STN1: variants seen among roughly 807,000 people sequenced by gnomAD.
STN1 encodes STN1 subunit of CST complex.
A neutral mutation model predicts 45.5 loss-of-function variants in STN1; 29 were observed. The observed-to-expected ratio is 0.64, with a 90% CI of 0.47 to 0.87. STN1 has a LOEUF of 0.87. Ranked by LOEUF, STN1 falls within the 40% of genes least tolerant of loss-of-function variation. The probability of loss-of-function intolerance (pLI) is 0.00; values close to 1 mark genes in which losing one functional copy is unlikely to be tolerated. For synonymous variants in STN1, 148 were observed against 159.0 expected, an observed-to-expected ratio of 0.93 and a Z score of 0.52; for missense variants, 376 against 441.4, an observed-to-expected ratio of 0.85 and a Z score of 1.33.
chr10:103,885,247 G>A (rs779384822), intron 9 of STN1, among the ~76,000 whole-genome samples: 2 of 152,198 alleles, frequency 1.3e-5, no homozygotes, highest in Non-Finnish European at 2.9e-5. Context: ...AGCCTCTCAA[G>A]GAGGAAGAGC....
At chr10:103,913,549 C>G (rs890073627) in intron 2 of STN1, among the ~76,000 whole-genome samples, 3 of 151,868 alleles carry the variant, frequency 2.0e-5, no homozygotes, top group African/African-American at 7.3e-5. Flanking sequence ...AGAAAAGCAA[C>G]TGAGGAGGAA....
At position 103,900,278 on chromosome 10, in the gene STN1, A is replaced by G. The variant is rs1041554504; in HGVS notation, c.296-55T>C. On this transcript the variant is annotated intron_variant, in intron 4 of 9. Transcript: ENST00000224950. The stretch of plus-strand genomic sequence containing the variant: ...GAAAAAGTTATAACACAATCACTCT[A>G]CCACATCTGTGAGACAGTTTTAGGG... 3 of 1,563,898 alleles carry G rather than the reference A, an allele frequency of 1.9e-6. No homozygotes were observed. The African/African-American group carries it at 4.1e-5, about 21-fold the overall frequency.
chr10:103,915,691 C>A (rs141969487), intron 2 of STN1, among the ~76,000 whole-genome samples: 97 of 152,140 alleles, frequency 6.4e-4, no homozygotes, highest in African/African-American at 2.2e-3. Flanking sequence ...CCAAACACAA[C>A]AACAAAACAA....
intron 4 of STN1, among the ~76,000 whole-genome samples, chr10:103,900,503 G>C (rs1843201794): frequency 6.6e-6 from 1 of 152,170 alleles, no homozygotes; most frequent in Non-Finnish European, 1.5e-5. Context: ...TTCCTGCCCT[G>C]CATCACCAGT....
chr10:103,894,350 T>A (rs935339330), intron 7 of STN1, among the ~76,000 whole-genome samples: 2 of 152,100 alleles, frequency 1.3e-5, no homozygotes, highest in African/African-American at 4.8e-5. Flanking sequence ...AAAAGCCTAG[T>A]TCCCCCTCCC....
chr10:103,917,785 A>G, intron 1 of STN1, 129 bp from the exon 2 acceptor site: 1 of 550,356 alleles, frequency 1.8e-6, no homozygotes, highest in South Asian at 2.4e-5. Context: ...GGGCCCTGTC[A>G]AACTCCATGC....
At chr10:103,897,500 G>A in intron 7 of STN1, 48 bp downstream of exon 7, 4 of 1,551,126 alleles carry the variant, frequency 2.6e-6, no homozygotes, top group Non-Finnish European at 2.7e-6. Flanking sequence ...TGCAGTTGCA[G>A]ATCTGGGGCA....
At chr10:103,890,101 G>A (rs535249666) in intron 8 of STN1, among the ~76,000 whole-genome samples, 2 of 151,982 alleles carry the variant, frequency 1.3e-5, no homozygotes, top group African/African-American at 2.4e-5. Context: ...CAAAAAAAGA[G>A]AGAAAGAGAA....
intron 4 of STN1, among the ~76,000 whole-genome samples, chr10:103,902,925 T>C (rs1287412966): frequency 6.6e-6 from 1 of 152,244 alleles, no homozygotes; most frequent in African/African-American, 2.4e-5. Context: ...TGTTCATCCA[T>C]TCATCTACTT....
chr10:103,884,125 A>C (rs1352437714), intron 9 of STN1, among the ~76,000 whole-genome samples: 2 of 145,980 alleles, frequency 1.4e-5, no homozygotes, highest in Non-Finnish European at 3.0e-5. Flanking sequence ...AAATCCACTT[A>C]TCACTGCTGC....
At chr10:103,911,102 G>A (rs1290749083) in intron 2 of STN1, among the ~76,000 whole-genome samples, 1 of 148,802 alleles carries the variant, frequency 6.7e-6, no homozygotes, top group African/African-American at 2.5e-5. Flanking sequence ...AAAAAAAACA[G>A]TAAGTAGGTT....
chr10:103,909,518 GTATA>G (rs146368412), intron 3 of STN1, among the ~76,000 whole-genome samples: 6 of 57,136 alleles, frequency 1.1e-4, no homozygotes, highest in African/African-American at 2.4e-4. Context: ...ATGTATATAT[GTATA>G]TATATGTACA....
rs539610928 is a variant in STN1, at chr10:103,880,982, T to C, written c.*1702A>G. 1.6e-4 allele frequency among the ~76,000 whole-genome samples: 24 copies of C among 152,202 alleles called. No individual in the cohort carries two copies. Among genetic ancestry groups the C allele is most frequent in the Non-Finnish European group, 2.5e-4 (17 of 68,042 alleles). ...ATATATACATACACACAGGGAGCTGTAGATAATGGTGTTATACTATAGAAA... is the reference window on the plus strand; with the variant it reads ...ATATATACATACACACAGGGAGCTGCAGATAATGGTGTTATACTATAGAAA... On this transcript the variant is annotated 3_prime_UTR_variant, in exon 10 of 10. Transcript: ENST00000224950.
intron 9 of STN1, among the ~76,000 whole-genome samples, chr10:103,887,191 T>G (rs1031039709): frequency 3.9e-5 from 6 of 152,258 alleles, no homozygotes; most frequent in Non-Finnish European, 8.8e-5. Context: ...GTCCAGCTAA[T>G]GAAAAGACGT....
chr10:103,906,505 T>G (rs571625171), intron 3 of STN1, among the ~76,000 whole-genome samples: 1 of 151,604 alleles, frequency 6.6e-6, no homozygotes, highest in East Asian at 1.9e-4. Context: ...AAAAAAAAAT[T>G]TTTAAATTAG....
chr10:103,899,642 G>GTGCCGCTGCATTGGGCTGTGACTC (rs375250533), intron 5 of STN1, among the ~76,000 whole-genome samples: 2,862 of 152,128 alleles, frequency 0.019, 72 homozygotes, highest in African/African-American at 0.066. Context: ...GGCTGTGACT[G>GTGCCGCTGCATTGGGCTGTGACTC]TGCCACTGCA....
rs1188301067 is a variant in STN1, at chr10:103,910,623, C to CTAAAATTTAAAA, written c.134-13_134-2dup. The CTAAAATTTAAAA allele has an allele frequency of 3.8e-6, 6 of 1,584,348 alleles. No homozygotes were observed. In the African/African-American group the frequency reaches 8.1e-5, roughly 21 times the overall value. On this transcript the variant is annotated splice_acceptor_variant, in intron 2 of 9. Transcript: ENST00000224950. LOFTEE classifies it high-confidence loss of function. ...GGATGTCCATTGTACAAAAATACAC[C>CTAAAATTTAAAA]TAAAATTTAAAAAAAGCAAAGTCGA...
intron 9 of STN1, 70 bp downstream of exon 9, chr10:103,889,002 C>G (rs531357209): frequency 9.1e-7 from 1 of 1,095,442 alleles, no homozygotes; most frequent in East Asian, 2.4e-5. Context: ...GACTCTCCAT[C>G]CAGTGCTCCC....
chr10:103,888,222 C>T (rs933600366), intron 9 of STN1, among the ~76,000 whole-genome samples: 11 of 152,228 alleles, frequency 7.2e-5, no homozygotes, highest in African/African-American at 2.7e-4. Context: ...CTGACTCAAC[C>T]TGGCACAGGT....
Sources: gnomAD v4.1 joint callset for allele counts (sites outside exome capture counted in the v4.1 genomes callset) on GRCh38, gnomAD v4.1.1 for gene constraint, MANE v1.5 for transcripts, NCBI Gene and HGNC (gene_info 2026-07-23, HGNC 2026-07-21) for gene names.